The following PAN3 variants were observed in gnomAD, a reference collection of about 807,000 sequenced individuals.
PAN3 encodes the protein poly(A) specific ribonuclease subunit PAN3.
In PAN3, 19 loss-of-function variants were observed where a neutral mutation model predicts 96.2. That is an observed-to-expected ratio of 0.20 (90% confidence interval 0.14 to 0.29). PAN3 has a LOEUF of 0.29. Among genes scored for constraint, PAN3 ranks in the 10% least tolerant of loss-of-function variants. PAN3 has a pLI of 1.00. For missense variants in PAN3, 882 were observed against 1,108.1 expected (o/e 0.80, Z 2.90); for synonymous variants, 433 against 406.6 (o/e 1.06, Z -0.78).
Position 28,271,966 on chromosome 13 carries a change from A to G in PAN3, c.1959-15A>G, listed in dbSNP as rs974256733. On this transcript the variant is annotated splice_polypyrimidine_tract_variant and intron_variant, in intron 13 of 18. Transcript: ENST00000380958. ...TTATTTTAATTATTTTCTTTAAATT[A>G]TCTGGTCCTTAAAGGTTGCGAGTAA... 25 of 1,483,846 alleles carry G rather than the reference A, an allele frequency of 1.7e-5. No homozygotes were observed. Among genetic ancestry groups the G allele is most frequent in the African/African-American group, 4.3e-5 (3 of 70,074 alleles). The allele number at this position is 1,483,846 out of a possible 1,614,324, so 91.9% of individuals were successfully genotyped here. A position where few individuals can be genotyped will look rare whatever the true frequency, so the allele number is the denominator to read the frequency against.
Position 28,197,265 on chromosome 13 carries a change from T to G in PAN3, c.771T>G (p.Ile257Met). Residue 257 changes from isoleucine (I) to methionine (M), a missense_variant, in exon 5 of 19, where the codon ATT becomes ATG. This residue lies in a region of PAN3 where 442 missense variants were observed against 422.8 expected (regional missense o/e 1.05). Coordinates refer to ENST00000380958, the MANE Select transcript of PAN3 (RefSeq NM_175854.8). ...GSKARKAKNP[I>M]GCLADRCKSG... ...AGGCACGAAAAGCAAAGAACCCTAT[T>G]GGCTGCCTTGCTGACAGGTGTAAAT... is the stretch of plus-strand genomic sequence containing the variant. The G allele has an allele frequency of 1.2e-6, 2 of 1,613,112 alleles. No individual in the cohort carries two copies. The highest frequency in any genetic ancestry group is 1.7e-6 in the Non-Finnish European group (2 of 1,179,514).
chr13:28,160,577 T>C (rs938058150), intron 1 of PAN3, among the ~76,000 whole-genome samples: 1 of 152,188 alleles, frequency 6.6e-6, no homozygotes, highest in African/African-American at 2.4e-5. Context: ...ATTTTTGAAA[T>C]GTTTGAAATA....
intron 6 of PAN3, among the ~76,000 whole-genome samples, chr13:28,243,043 A>G (rs967821370): frequency 2.0e-5 from 3 of 152,182 alleles, no homozygotes; most frequent in East Asian, 1.9e-4. Context: ...TCTTATTTCA[A>G]ATATTTTGTA....
chr13:28,255,314 C>T (rs1885048963), intron 6 of PAN3, among the ~76,000 whole-genome samples: 1 of 152,096 alleles, frequency 6.6e-6, no homozygotes, highest in Non-Finnish European at 1.5e-5. Flanking sequence ...TCCATTAAGC[C>T]TTTGATTAAC....
chr13:28,159,510 C>T (rs535019189), intron 1 of PAN3, among the ~76,000 whole-genome samples: 17 of 152,124 alleles, frequency 1.1e-4, no homozygotes, highest in Non-Finnish European at 2.5e-4. Context: ...TGCAATGGCA[C>T]AAATCTTGGC....
rs75821269 is a variant in PAN3 at position 28,173,963 on chromosome 13, T to G, written c.431-309T>G. Among the ~76,000 whole-genome samples the G allele has an allele frequency of 8.5e-4, 130 of 152,314 alleles. No individual in the cohort carries two copies. The East Asian group carries it at 0.023, about 27-fold the overall frequency. On this transcript the variant is annotated intron_variant, in intron 1 of 18. Transcript: ENST00000380958. ...AGAAATTGTTGTCCTTTTACTGAGT[T>G]GAAGAAAGAAAACTTGATGAAGAAA...
intron 4 of PAN3, among the ~76,000 whole-genome samples, chr13:28,186,263 A>G (rs962884021): frequency 6.6e-6 from 1 of 152,222 alleles, no homozygotes; most frequent in Non-Finnish European, 1.5e-5. Context: ...TGTGTTAAGG[A>G]GTATTACAGA....
At chr13:28,271,907 T>C in intron 13 of PAN3, 74 bp from the exon 14 acceptor site, 1 of 1,056,462 alleles carries the variant, frequency 9.5e-7, no homozygotes, top group Non-Finnish European at 1.3e-6. Context: ...TTGGGAAATG[T>C]TACTTTTCCA....
chr13:28,178,438 A>C (rs909823949), intron 4 of PAN3, among the ~76,000 whole-genome samples: 2 of 152,148 alleles, frequency 1.3e-5, no homozygotes, highest in African/African-American at 2.4e-5. Flanking sequence ...ATTTAGATTG[A>C]TAGACCATGT....
rs561265296 is a variant in PAN3, at chr13:28,216,774, G to A, written c.853-3457G>A. On this transcript the variant is annotated intron_variant, in intron 5 of 18. Transcript: ENST00000380958. ...TGCAATGAAATGTTACATATCTTAC[G>A]TTCCGTTATCATTCAACAGAAACTT... Among the ~76,000 whole-genome samples the A allele has an allele frequency of 7.3e-5, 11 of 151,438 alleles. No individual in the cohort carries two copies. The East Asian group carries it at 7.8e-4, about 11-fold the overall frequency.
chr13:28,145,135 A>G (rs1226234785), intron 1 of PAN3, among the ~76,000 whole-genome samples: 1 of 152,178 alleles, frequency 6.6e-6, no homozygotes, highest in Non-Finnish European at 1.5e-5. Context: ...CGGATATCTC[A>G]TGTACTCTTC....
intron 1 of PAN3, among the ~76,000 whole-genome samples, chr13:28,142,402 TAGC>T (rs1173288558): frequency 1.3e-5 from 2 of 152,128 alleles, no homozygotes; most frequent in East Asian, 1.9e-4. Context: ...TCCTGGGCTC[TAGC>T]AATCTCCTGC....
chr13:28,270,987 AACT>A, intron 13 of PAN3, 121 bp downstream of exon 13: 1 of 1,045,036 alleles, frequency 9.6e-7, no homozygotes, highest in Non-Finnish European at 1.4e-6. Flanking sequence ...GAACTTCTGT[AACT>A]TTGAATTCAT....
intron 1 of PAN3, among the ~76,000 whole-genome samples, chr13:28,166,264 TC>T (rs1399778068): frequency 6.6e-6 from 1 of 152,146 alleles, no homozygotes; most frequent in East Asian, 1.9e-4. Flanking sequence ...GATAGATACT[TC>T]CATTCAGAAA....
intron 4 of PAN3, among the ~76,000 whole-genome samples, chr13:28,184,311 T>C (rs1441712831): frequency 6.6e-6 from 1 of 152,102 alleles, no homozygotes; most frequent in Non-Finnish European, 1.5e-5. Context: ...ATCATATCAT[T>C]TAGTTACATC....
At chr13:28,208,710 C>G (rs943333074) in intron 5 of PAN3, among the ~76,000 whole-genome samples, 1 of 152,270 alleles carries the variant, frequency 6.6e-6, no homozygotes, top group African/African-American at 2.4e-5. Flanking sequence ...TAGTTTGTAG[C>G]AGATGCACAC....
chr13:28,169,729 C>T (rs924597916), intron 1 of PAN3, among the ~76,000 whole-genome samples: 1 of 151,830 alleles, frequency 6.6e-6, no homozygotes, highest in African/African-American at 2.4e-5. Context: ...TAAGTATATG[C>T]GTGTGTGGAA....
At chr13:28,174,174 G>A (rs899597816) in intron 1 of PAN3, 98 bp from the exon 2 acceptor site, 27 of 1,291,794 alleles carry the variant, frequency 2.1e-5, no homozygotes, top group African/African-American at 9.0e-5. Flanking sequence ...AAGTGTGACA[G>A]ATTTGAGACT....
intron 1 of PAN3, among the ~76,000 whole-genome samples, chr13:28,167,673 CAAAAAAAA>C (rs1166063021): frequency 8.2e-5 from 5 of 61,340 alleles, no homozygotes; most frequent in African/African-American, 2.5e-4. Context: ...CCTGTCTCTA[CAAAAAAAA>C]AAAAAAAAAA....
Sources: allele counts gnomAD v4.1 joint callset (sites outside exome capture counted in the v4.1 genomes callset), GRCh38; gene constraint gnomAD v4.1.1; regional missense constraint gnomAD v4.1.1; transcripts MANE v1.5; gene names NCBI Gene and HGNC (gene_info 2026-07-23, HGNC 2026-07-21).